The following FAM227B variants were observed in gnomAD, a reference collection of about 807,000 sequenced individuals.
FAM227B encodes family with sequence similarity 227 member B, also known as protein FAM227B.
In FAM227B, 88 loss-of-function variants were observed where a neutral mutation model predicts 73.8. The ratio of observed to expected loss-of-function variants is 1.19; its 90% CI spans 1.00 to 1.42. The LOEUF (loss-of-function observed/expected upper bound fraction) is 1.42, where lower values mean the gene tolerates loss of function less well. Among genes scored for constraint, FAM227B ranks in the 40% most tolerant of loss-of-function variants. The probability of loss-of-function intolerance (pLI) is 0.00; values close to 1 mark genes in which losing one functional copy is unlikely to be tolerated. For missense variants in FAM227B, 632 were observed against 590.9 expected, an observed-to-expected ratio of 1.07 and a Z score of -0.72; for synonymous variants, 210 against 190.5, an observed-to-expected ratio of 1.10 and a Z score of -0.84.
intron 11 of FAM227B, among the ~76,000 whole-genome samples, chr15:49,401,328 A>G (rs1484998921): frequency 6.6e-6 from 1 of 152,248 alleles, no homozygotes; most frequent in Non-Finnish European, 1.5e-5. Flanking sequence ...TTAGAATGGC[A>G]ATCATTAAAA....
intron 8 of FAM227B, among the ~76,000 whole-genome samples, chr15:49,573,581 C>T (rs1440763904): frequency 6.6e-6 from 1 of 152,130 alleles, no homozygotes; most frequent in African/African-American, 2.4e-5. Flanking sequence ...GAGGGGCCCT[C>T]TTGCTTGTTC....
intron 10 of FAM227B, among the ~76,000 whole-genome samples, chr15:49,528,067 A>C (rs2060335189): frequency 1.3e-5 from 2 of 151,950 alleles, no homozygotes; most frequent in South Asian, 4.1e-4. Flanking sequence ...CAAAAACAAC[A>C]AAGTTGGAGG....
intron 14 of FAM227B, among the ~76,000 whole-genome samples, chr15:49,333,741 T>G (rs1485948765): frequency 6.6e-6 from 1 of 152,234 alleles, no homozygotes; most frequent in Non-Finnish European, 1.5e-5. Context: ...TGAACTTGTC[T>G]GATACTTCTT....
At chr15:49,380,076 T>C (rs1185727885) in intron 11 of FAM227B, among the ~76,000 whole-genome samples, 2 of 152,180 alleles carry the variant, frequency 1.3e-5, no homozygotes, top group Non-Finnish European at 2.9e-5. Context: ...TTCTATTGTA[T>C]TACAGCTGAG....
At position 49,364,852 on chromosome 15, in the gene FAM227B, AT is replaced by A. The variant is rs555116055; in HGVS notation, c.1271+2595del. On this transcript the variant is annotated intron_variant, in intron 13 of 15. Transcript: ENST00000299338. ...AAAAAGCATAGGGATGGGTCAAGGC[AT>A]TTTTTTTTTTAAGAAAAATATACTC... Among the ~76,000 whole-genome samples, 499 of 148,208 alleles carry A rather than the reference AT, an allele frequency of 3.4e-3. 2 individuals carry two copies. The highest frequency in any genetic ancestry group is 0.017 in the Middle Eastern group (5 of 288).
rs919741903 is a variant in FAM227B, at chr15:49,422,693, T to A, written c.1013-51294A>T. 21 of 1,207,938 alleles carry A rather than the reference T, an allele frequency of 1.7e-5. No homozygotes were observed. In the African/African-American group the frequency reaches 3.0e-4, roughly 17 times the overall value. The allele number at this position is 1,207,938 out of a possible 1,614,324, so 74.8% of individuals were successfully genotyped here. A position where few individuals can be genotyped will look rare whatever the true frequency, so the allele number is the denominator to read the frequency against. ...ATTAGTGGTCCAACACAAATAAGAA[T>A]CTAGATCTTCTCACTTTCAGCCTAG... On this transcript the variant is annotated intron_variant, in intron 11 of 15. Transcript: ENST00000299338.
intron 12 of FAM227B, among the ~76,000 whole-genome samples, chr15:49,369,695 G>A (rs2045674671): frequency 6.6e-6 from 1 of 152,130 alleles, no homozygotes; most frequent in South Asian, 2.1e-4. Context: ...GACAACTTCG[G>A]TGCCTGGAAA....
intron 11 of FAM227B, among the ~76,000 whole-genome samples, chr15:49,377,781 T>G (rs2046266803): frequency 6.6e-6 from 1 of 152,154 alleles, no homozygotes; most frequent in Admixed American, 6.5e-5. Flanking sequence ...ATAAGTAGTT[T>G]GCAAATATTT....
At chr15:49,614,393 C>T (rs1327544495) in intron 2 of FAM227B, among the ~76,000 whole-genome samples, 1 of 152,082 alleles carries the variant, frequency 6.6e-6, no homozygotes, top group Non-Finnish European at 1.5e-5. Flanking sequence ...AGTTAAATAA[C>T]TTGTAAACAT....
intron 11 of FAM227B, among the ~76,000 whole-genome samples, chr15:49,454,925 G>C (rs1330063389): frequency 1.3e-5 from 2 of 152,038 alleles, no homozygotes; most frequent in Non-Finnish European, 2.9e-5. Context: ...TATTCTTAAA[G>C]CACTCTCTGC....
chr15:49,434,393 G>A (rs1215531733), intron 11 of FAM227B: 1 of 151,336 alleles, frequency 6.6e-6, no homozygotes, highest in African/African-American at 2.4e-5. Flanking sequence ...ATTAACAGTT[G>A]GGAGTCAAGG....
intron 11 of FAM227B, among the ~76,000 whole-genome samples, chr15:49,428,633 C>T (rs1052667012): frequency 6.6e-6 from 1 of 151,882 alleles, no homozygotes; most frequent in African/African-American, 2.4e-5. Context: ...ACTCAGTGAC[C>T]GCCTTGAGAG....
At chr15:49,391,323 A>G (rs758042963) in intron 11 of FAM227B, among the ~76,000 whole-genome samples, 1 of 152,108 alleles carries the variant, frequency 6.6e-6, no homozygotes, top group Non-Finnish European at 1.5e-5. Flanking sequence ...AAGCATGAAA[A>G]TAAGGGAAAA....
chr15:49,459,043 T>A (rs931002852), intron 11 of FAM227B, among the ~76,000 whole-genome samples: 1 of 152,212 alleles, frequency 6.6e-6, no homozygotes, highest in African/African-American at 2.4e-5. Flanking sequence ...GTCATATAAC[T>A]AATACTCAAC....
At chr15:49,520,293 C>T (rs2059688478) in intron 10 of FAM227B, among the ~76,000 whole-genome samples, 1 of 152,168 alleles carries the variant, frequency 6.6e-6, no homozygotes, top group African/African-American at 2.4e-5. Flanking sequence ...CCCACATCTT[C>T]CTGTCTTCTG....
chr15:49,476,106 T>C (rs1417055598), intron 11 of FAM227B, among the ~76,000 whole-genome samples: 1 of 152,106 alleles, frequency 6.6e-6, no homozygotes, highest in Non-Finnish European at 1.5e-5. Flanking sequence ...TCTACCTATG[T>C]CAACTCTATT....
intron 11 of FAM227B, chr15:49,422,628 C>T: frequency 9.0e-7 from 1 of 1,108,450 alleles, no homozygotes; most frequent in Non-Finnish European, 1.3e-6. Flanking sequence ...GCAGCTGAGA[C>T]TCTGGAACAG....
chr15:49,331,437 C>G (rs1225193689), intron 15 of FAM227B: 1 of 228,182 alleles, frequency 4.4e-6, no homozygotes, highest in Non-Finnish European at 8.6e-6. Flanking sequence ...TCTAACACAG[C>G]TGTTGGTACC....
At chr15:49,389,495 AGAG>A (rs1373160411) in intron 11 of FAM227B, among the ~76,000 whole-genome samples, 1 of 151,858 alleles carries the variant, frequency 6.6e-6, no homozygotes, top group Admixed American at 6.6e-5. Context: ...CGGGAGGGTG[AGAG>A]GAGGGCTAGA....
Sources: allele counts gnomAD v4.1 joint callset (sites outside exome capture counted in the v4.1 genomes callset), GRCh38; gene constraint gnomAD v4.1.1; transcripts MANE v1.5; gene names NCBI Gene and HGNC (gene_info 2026-07-23, HGNC 2026-07-21).